CCDC57: variants seen among roughly 807,000 people sequenced by gnomAD.
CCDC57 encodes coiled-coil domain-containing protein 57.
CCDC57 carries 118 observed loss-of-function variants against 118.9 expected under a neutral mutation model. The observed-to-expected ratio is 0.99, with a 90% CI of 0.86 to 1.16. The LOEUF is 1.16. Ranked by LOEUF, CCDC57 falls within the 50% of genes most tolerant of loss-of-function variation. The pLI, the probability that CCDC57 is intolerant of heterozygous loss-of-function variation, is 0.00. For missense variants in CCDC57, 1,300 were observed against 1,320.7 expected (o/e 0.98, Z 0.24); for synonymous variants, 527 against 532.9 (o/e 0.99, Z 0.15).
exon 4 of CCDC57, chr17:82,198,334 C>T (rs2048548820): frequency 6.2e-7 from 1 of 1,613,220 alleles, no homozygotes; most frequent in Non-Finnish European, 8.5e-7. Flanking sequence ...AGAGCAAGCT[C>T]ACCGTCGAGC....
chr17:82,147,626 C>CAGGT (rs1164101339), intron 16 of CCDC57, among the ~76,000 whole-genome samples: 7 of 14,904 alleles, frequency 4.7e-4, no homozygotes, highest in Non-Finnish European at 7.7e-4. Context: ...GATGATTGGG[C>CAGGT]GGGTGGGTGG....
At chr17:82,131,277 A>G (rs2038327435) in intron 17 of CCDC57, among the ~76,000 whole-genome samples, 2 of 151,900 alleles carry the variant, frequency 1.3e-5, no homozygotes, top group African/African-American at 2.4e-5. Flanking sequence ...TCAAAAATAC[A>G]AAAATTAACT....
At chr17:82,110,388 A>T (rs931210686) in intron 19 of CCDC57, among the ~76,000 whole-genome samples, 1 of 152,222 alleles carries the variant, frequency 6.6e-6, no homozygotes, top group Non-Finnish European at 1.5e-5. Flanking sequence ...GAGCTGCAGG[A>T]AAGAGGTAAC....
chr17:82,142,890 GT>G (rs949856450), intron 16 of CCDC57, among the ~76,000 whole-genome samples: 1 of 152,006 alleles, frequency 6.6e-6, no homozygotes, highest in Non-Finnish European at 1.5e-5. Flanking sequence ...CACTGGCCGG[GT>G]ACGTGGCTCA....
At chr17:82,163,156 A>G (rs775656298) in intron 14 of CCDC57, 44 bp downstream of exon 13, 67 of 1,597,906 alleles carry the variant, frequency 4.2e-5, no homozygotes, top group Non-Finnish European at 5.7e-5. Context: ...CTCCCCCAGC[A>G]GCGGCTCTCT....
intron 16 of CCDC57, among the ~76,000 whole-genome samples, chr17:82,148,312 GATAA>G (rs2041185005): frequency 7.7e-6 from 1 of 129,448 alleles, no homozygotes; most frequent in Non-Finnish European, 1.7e-5. Flanking sequence ...TGGGTGAATG[GATAA>G]ATGGGTGGGT....
rs2050248788 is a variant in CCDC57, at chr17:82,212,626, G to T, written c.-211+159C>A. Among the ~76,000 whole-genome samples the T allele has an allele frequency of 6.6e-6, 1 of 151,924 alleles. No individual in the cohort carries two copies. Among genetic ancestry groups the T allele is most frequent in the African/African-American group, 2.4e-5 (1 of 41,370 alleles). On this transcript the variant is annotated intron_variant, in intron 1 of 19. Coordinates refer to ENST00000665763, the Ensembl canonical transcript of CCDC57. The surrounding 1 kb of genome is among the most constrained non-coding windows in gnomAD (Gnocchi z 4.1). Reference sequence around the variant, plus strand: ...CCTCCGCGAGGGGATCCCCGGTCCGGGCCTGGCCGAGCTCTGAGGGTCGAC... The same window carrying T: ...CCTCCGCGAGGGGATCCCCGGTCCGTGCCTGGCCGAGCTCTGAGGGTCGAC...
At chr17:82,180,499 A>G (rs926706816) in intron 9 of CCDC57, among the ~76,000 whole-genome samples, 6 of 152,198 alleles carry the variant, frequency 3.9e-5, no homozygotes, top group African/African-American at 1.4e-4. Flanking sequence ...TTTTGGATAC[A>G]GAGTCTTGCT....
chr17:82,111,464 A>G (rs182630546), intron 19 of CCDC57, among the ~76,000 whole-genome samples: 1,496 of 141,024 alleles, frequency 0.011, 23 homozygotes, highest in African/African-American at 0.039. Context: ...CTGCAGCTTC[A>G]ACCTCCCGGG....
intron 19 of CCDC57, chr17:82,107,476 G>A (rs756063100): frequency 4.7e-5 from 22 of 470,406 alleles, no homozygotes; most frequent in South Asian, 2.6e-4. Flanking sequence ...CACACGGGGC[G>A]AGGTTAGCAT....
intron 18 of CCDC57, 116 bp downstream of exon 17, chr17:82,128,377 C>T: frequency 1.4e-6 from 1 of 691,536 alleles, no homozygotes; most frequent in East Asian, 2.7e-5. Context: ...GATGACGGCA[C>T]AAAGGCAGGC....
intron 7 of CCDC57, 32 bp from the exon 7 acceptor site, chr17:82,188,451 C>A: frequency 6.3e-7 from 1 of 1,589,050 alleles, no homozygotes; most frequent in Non-Finnish European, 8.6e-7. Context: ...ATGGCGCTCA[C>A]CCAGCCCCCA....
At chr17:82,127,080 T>A in intron 19 of CCDC57, 1 of 985,406 alleles carries the variant, frequency 1.0e-6, no homozygotes, top group Non-Finnish European at 1.2e-6. Context: ...TTCTGAAAAC[T>A]TCCTGAGACC....
intron 8 of CCDC57, 84 bp from the exon 8 acceptor site, chr17:82,184,016 T>TGCGCGCGCGCGCGCGC (rs141760654): frequency 2.0e-5 from 6 of 305,874 alleles, no homozygotes; most frequent in Admixed American, 9.0e-5. Flanking sequence ...CAAATACACA[T>TGCGCGCGCGCGCGCGC]GCGCGCGCGC....
At chr17:82,199,880 G>A (rs749271843) in intron 3 of CCDC57, among the ~76,000 whole-genome samples, 1 of 152,206 alleles carries the variant, frequency 6.6e-6, no homozygotes, top group Non-Finnish European at 1.5e-5. Flanking sequence ...GCAGCACTGC[G>A]TGGGTCAAAT....
At chr17:82,189,882 C>A (rs529556058) in intron 7 of CCDC57, among the ~76,000 whole-genome samples, 2 of 151,968 alleles carry the variant, frequency 1.3e-5, no homozygotes, top group Admixed American at 6.5e-5. Flanking sequence ...TGGTGGCATG[C>A]GCCTGTAATC....
intron 1 of CCDC57, among the ~76,000 whole-genome samples, chr17:82,211,500 C>T (rs78243529): frequency 1.3e-5 from 2 of 152,194 alleles, no homozygotes; most frequent in East Asian, 3.9e-4. Flanking sequence ...GGGCAAAAGG[C>T]ACACGGGAAA....
At chr17:82,120,171 A>AT (rs200053710) in intron 19 of CCDC57, among the ~76,000 whole-genome samples, 29,075 of 131,442 alleles carry the variant, frequency 0.22, 2,940 homozygotes, top group Non-Finnish European at 0.26. Flanking sequence ...TATTATTATT[A>AT]TTATTTTTTT....
chr17:82,183,608 C>G (rs919354409), intron 9 of CCDC57, among the ~76,000 whole-genome samples, 166 bp downstream of exon 8: 1 of 152,158 alleles, frequency 6.6e-6, no homozygotes, highest in African/African-American at 2.4e-5. Context: ...TCTTCCCACA[C>G]CACCCCTGCG....
Sources: gnomAD v4.1 joint callset for allele counts (sites outside exome capture counted in the v4.1 genomes callset) on GRCh38, gnomAD v4.1.1 for gene constraint, Gnocchi (gnomAD v3.1) non-coding constraint, MANE v1.5 for transcripts, NCBI Gene and HGNC (gene_info 2026-07-23, HGNC 2026-07-21) for gene names.